Variants in BTN1A1 observed in about 807,000 individuals in gnomAD.
The protein encoded by BTN1A1 is bK14H9.2 (butyrophilin, subfamily 1, member A1).
A neutral mutation model predicts 33.1 loss-of-function variants in BTN1A1; 26 were observed. That is an observed-to-expected ratio of 0.79 (90% CI 0.58 to 1.09). The LOEUF (loss-of-function observed/expected upper bound fraction) is 1.09. Among genes scored for constraint, BTN1A1 ranks in the 50% least tolerant of loss-of-function variants. The pLI is 0.00. For missense variants in BTN1A1, 558 were observed against 655.7 expected (o/e 0.85, Z 1.63); for synonymous variants, 235 against 256.2 (o/e 0.92, Z 0.79).
At position 26,506,707 on chromosome 6, in the gene BTN1A1, C is replaced by T. The variant is rs772232443; in HGVS notation, c.734C>T (p.Pro245Leu). The T allele has an allele frequency of 6.2e-7, 1 of 1,614,048 alleles. No homozygotes were observed. Among genetic ancestry groups the T allele is most frequent in the Non-Finnish European group, 8.5e-7 (1 of 1,180,020 alleles). The change falls in exon 5 of 8, where the codon CCC (proline) becomes CTC (leucine). Residue 245 changes from proline (P) to leucine (L), a missense_variant. Transcript: ENST00000684113. ...IPASSLPRLT[P>L]WIVAVAVILM... ...GCTTCCTCCCTCCCAAGGCTGACTC[C>T]CTGGATAGTGGCTGTGGCTGTCATC...
chr6:26,508,029 C>G (rs1284861615), intron 6 of BTN1A1, 32 bp from the exon 7 acceptor site: 1 of 1,612,548 alleles, frequency 6.2e-7, no homozygotes, highest in Non-Finnish European at 8.5e-7. Context: ...ATTATATAAC[C>G]TGTCAATGAC....
chr6:26,503,093 G>C (rs1327516675), intron 3 of BTN1A1, among the ~76,000 whole-genome samples: 4 of 152,226 alleles, frequency 2.6e-5, no homozygotes, highest in Non-Finnish European at 4.4e-5. Flanking sequence ...GGGAAGCAGA[G>C]GCAGGAGGAT....
At chr6:26,502,657 A>C (rs531740743) in intron 3 of BTN1A1, among the ~76,000 whole-genome samples, 1 of 152,242 alleles carries the variant, frequency 6.6e-6, no homozygotes, top group Non-Finnish European at 1.5e-5. Context: ...CAAGTACACC[A>C]TAATTTACTT....
In BTN1A1 at chr6:26,501,212, T is replaced by C. The variant is rs944690127; in HGVS notation, c.-57-18T>C. 147 of 1,238,386 alleles carry C rather than the reference T, an allele frequency of 1.2e-4. No homozygotes were observed. The African/African-American group carries it at 1.5e-3, about 13-fold the overall frequency. The allele number at this position is 1,238,386 out of a possible 1,614,324, so 76.7% of individuals were successfully genotyped here. A position where few individuals can be genotyped will look rare whatever the true frequency, so the allele number is the denominator to read the frequency against. On this transcript the variant is annotated intron_variant, in intron 1 of 7. Coordinates refer to ENST00000684113, the MANE Select transcript of BTN1A1 (RefSeq NM_001732.3). The surrounding 1 kb of genome is among the most constrained non-coding windows in gnomAD (Gnocchi z 5.2). ...GTTGACAGAGCCGGTAGTTGTCTCC[T>C]GTCCATTCATCTCCTAGGCTGAAGC...
rs1336875764 is a variant in BTN1A1, at chr6:26,501,037, T to C, written c.-57-193T>C. Among the ~76,000 whole-genome samples the C allele has an allele frequency of 6.6e-6, 1 of 152,174 alleles. No homozygotes were observed. Among genetic ancestry groups the C allele is most frequent in the East Asian group, 1.9e-4 (1 of 5,204 alleles). On this transcript the variant is annotated intron_variant, in intron 1 of 7. Coordinates refer to ENST00000684113, the MANE Select transcript of BTN1A1 (RefSeq NM_001732.3). This position sits in a 1 kb window ranked among gnomAD's most constrained non-coding sequence, Gnocchi z 5.2. The stretch of plus-strand genomic sequence containing the variant: ...CTCACAGTTCCCTTCTCCTAAGTTT[T>C]AGAGTTAGAGTAGTGGGTGGGAAGG...
chr6:26,501,519 G>T lies in BTN1A1; in HGVS notation c.80-71G>T. 4 of 1,596,124 alleles carry T rather than the reference G, an allele frequency of 2.5e-6. No individual in the cohort carries two copies. The highest frequency in any genetic ancestry group is 3.4e-6 in the Non-Finnish European group (4 of 1,167,912). ...AGAGCGCGGGGCACTGCGCTTTGGCGGGAATCTGGTCGGTGTCTGTCCGTA... is the reference window on the plus strand; with the variant it reads ...AGAGCGCGGGGCACTGCGCTTTGGCTGGAATCTGGTCGGTGTCTGTCCGTA... On this transcript the variant is annotated intron_variant, in intron 2 of 7. Transcript: ENST00000684113. This position sits in a 1 kb window ranked among gnomAD's most constrained non-coding sequence, Gnocchi z 5.2.
intron 5 of BTN1A1, among the ~76,000 whole-genome samples, chr6:26,507,552 C>A (rs77448032): frequency 6.6e-6 from 1 of 151,930 alleles, no homozygotes; most frequent in South Asian, 2.1e-4. Context: ...ATGGTGAAAC[C>A]CCGTCTCTAA....
intron 3 of BTN1A1, 120 bp downstream of exon 3, chr6:26,502,057 C>G: frequency 3.8e-6 from 5 of 1,325,594 alleles, no homozygotes; most frequent in Non-Finnish European, 4.8e-6. Context: ...TTGATGTCGC[C>G]GGGGAGGGAC....
At position 26,505,469 on chromosome 6, in the gene BTN1A1, T is replaced by G. The variant is rs561772820; in HGVS notation, c.709+263T>G. ...CAGTGTCTCACTCTGTTGCCTAGAC[T>G]GGAGTGCAGCAGCAGAATGATCTCA... On this transcript the variant is annotated intron_variant, in intron 4 of 7. Coordinates refer to ENST00000684113, the MANE Select transcript of BTN1A1 (RefSeq NM_001732.3). Among the ~76,000 whole-genome samples the G allele has an allele frequency of 1.4e-4, 22 of 152,338 alleles. 1 individual carries two copies. Among genetic ancestry groups the G allele is most frequent in the Admixed American group, 7.2e-4 (11 of 15,306 alleles).
In BTN1A1 at chr6:26,501,161, G is replaced by A. The variant is rs1352290514; in HGVS notation, c.-57-69G>A. 2.5e-6 allele frequency: 2 copies of A among 791,204 alleles called. No homozygotes were observed. The highest frequency in any genetic ancestry group is 4.4e-6 in the Non-Finnish European group (2 of 454,238). 49.0% of individuals were successfully genotyped at this position (791,204 alleles called of 1,614,324 possible). Reference sequence around the variant, plus strand: ...AGAACACTTGCAGCTGGAAAGAACTGTAGAGAGGACTTTGGAAAGCGGAGG... The same window carrying A: ...AGAACACTTGCAGCTGGAAAGAACTATAGAGAGGACTTTGGAAAGCGGAGG... On this transcript the variant is annotated intron_variant, in intron 1 of 7. Transcript: ENST00000684113. This position sits in a 1 kb window ranked among gnomAD's most constrained non-coding sequence, Gnocchi z 5.2.
At position 26,506,514 on chromosome 6, in the gene BTN1A1, AT is replaced by A. The variant is rs928763857; in HGVS notation, c.710-162del. Among the ~76,000 whole-genome samples the A allele has an allele frequency of 7.9e-5, 12 of 151,692 alleles. No individual in the cohort carries two copies. In the East Asian group the frequency reaches 2.3e-3, roughly 29 times the overall value. On this transcript the variant is annotated intron_variant, in intron 4 of 7. Transcript: ENST00000684113. ...CTCTGCTGACTCCTGCTTGAAGTCAATTTTTTTCTGAAAAGTTTAGAGTGGC... is the reference window on the plus strand; with the variant it reads ...CTCTGCTGACTCCTGCTTGAAGTCAATTTTTTCTGAAAAGTTTAGAGTGGC...
chr6:26,506,628 G>A, intron 4 of BTN1A1, 55 bp from the exon 5 acceptor site: 1 of 1,583,828 alleles, frequency 6.3e-7, no homozygotes, highest in Non-Finnish European at 8.6e-7. Flanking sequence ...GTGGAGAAAA[G>A]CTGGACTTGC....
rs1238793272 is a variant in BTN1A1 at position 26,500,330 on chromosome 6, C to T, written c.-86C>T. On this transcript the variant is annotated 5_prime_UTR_variant, in exon 1 of 8. Transcript: ENST00000684113. ...CTTTCTCACTTGGTAGCAGTGGCCT[C>T]TTGTGCCTTTTTCTCCAAGATCACC... Among the ~76,000 whole-genome samples the T allele has an allele frequency of 2.0e-5, 3 of 152,172 alleles. No individual in the cohort carries two copies. The East Asian group carries it at 5.8e-4, about 29-fold the overall frequency.
rs1260854378 is a variant in BTN1A1 at position 26,509,309 on chromosome 6, T to C, written c.*135T>C. ...ATTAATTAATCCTGTGAAGGTTACATTGCTGCTGCTAGAGAGGGTGGGGAT... is the reference window on the plus strand; with the variant it reads ...ATTAATTAATCCTGTGAAGGTTACACTGCTGCTGCTAGAGAGGGTGGGGAT... On this transcript the variant is annotated 3_prime_UTR_variant, in exon 8 of 8. Transcript: ENST00000684113. 2 of 822,574 alleles carry C rather than the reference T, an allele frequency of 2.4e-6. No homozygotes were observed. Among genetic ancestry groups the C allele is most frequent in the Non-Finnish European group, 3.8e-6 (2 of 532,558 alleles). The allele number at this position is 822,574 out of a possible 1,614,324, so 51.0% of individuals were successfully genotyped here. A position where few individuals can be genotyped will look rare whatever the true frequency, so the allele number is the denominator to read the frequency against.
intron 3 of BTN1A1, among the ~76,000 whole-genome samples, chr6:26,503,219 C>G (rs970414128): frequency 2.6e-5 from 4 of 151,674 alleles, no homozygotes; most frequent in Admixed American, 6.6e-5. Context: ...TGTGGTGTCT[C>G]ACGCCTGTAA....
chr6:26,505,562 C>T (rs749887339), intron 4 of BTN1A1, among the ~76,000 whole-genome samples: 3 of 152,220 alleles, frequency 2.0e-5, no homozygotes, highest in East Asian at 1.9e-4. Flanking sequence ...ATAGCTGGGA[C>T]GACAAGTGCA....
At chr6:26,504,482 TAAAAA>T (rs569042977) in intron 3 of BTN1A1, among the ~76,000 whole-genome samples, 1 of 138,186 alleles carries the variant, frequency 7.2e-6, no homozygotes, top group Non-Finnish European at 1.6e-5. Flanking sequence ...CAATTTCCTT[TAAAAA>T]AAAAAAAAAA....
At chr6:26,500,672 T>C (rs1763786448) in intron 1 of BTN1A1, among the ~76,000 whole-genome samples, 1 of 152,134 alleles carries the variant, frequency 6.6e-6, no homozygotes, top group Non-Finnish European at 1.5e-5. Context: ...ATCCCAGCAC[T>C]TTGGGAGGCC....
Position 26,509,339 on chromosome 6 carries a change from C to T in BTN1A1, c.*165C>T. 2 of 668,236 alleles carry T rather than the reference C, an allele frequency of 3.0e-6. No individual in the cohort carries two copies. Among genetic ancestry groups the T allele is most frequent in the Non-Finnish European group, 4.9e-6 (2 of 404,434 alleles). The allele number at this position is 668,236 out of a possible 1,614,324, so 41.4% of individuals were successfully genotyped here. On this transcript the variant is annotated 3_prime_UTR_variant, in exon 8 of 8. Coordinates refer to ENST00000684113, the MANE Select transcript of BTN1A1 (RefSeq NM_001732.3). Reference sequence around the variant, plus strand: ...GCTGCTAGAGAGGGTGGGGATTGCACCTTCCAAATCTGTTTCTGTACCAAT... The same window carrying T: ...GCTGCTAGAGAGGGTGGGGATTGCATCTTCCAAATCTGTTTCTGTACCAAT...
Sources: gnomAD v4.1 joint callset for allele counts (sites outside exome capture counted in the v4.1 genomes callset) on GRCh38, gnomAD v4.1.1 for gene constraint, Gnocchi (gnomAD v3.1) non-coding constraint, MANE v1.5 for transcripts, NCBI Gene and HGNC (gene_info 2026-07-23, HGNC 2026-07-21) for gene names.